Variants in PIK3C2G observed in about 807,000 individuals in gnomAD.
The protein encoded by PIK3C2G is phosphatidylinositol 3-kinase C2 domain-containing subunit gamma.
A neutral mutation model predicts 181.1 loss-of-function variants in PIK3C2G; 168 were observed. The observed-to-expected ratio is 0.93, with a 90% CI of 0.82 to 1.05. PIK3C2G has a LOEUF of 1.05. Ranked by LOEUF, PIK3C2G falls within the 50% of genes least tolerant of loss-of-function variation. PIK3C2G has a pLI of 0.00. For missense variants in PIK3C2G, 1,869 were observed against 1,732.8 expected, an observed-to-expected ratio of 1.08 and a Z score of -1.40; for synonymous variants, 573 against 592.2, an observed-to-expected ratio of 0.97 and a Z score of 0.47.
At chr12:18,535,832 A>G (rs1035824473) in intron 24 of PIK3C2G, among the ~76,000 whole-genome samples, 25 of 152,118 alleles carry the variant, frequency 1.6e-4, no homozygotes, top group Non-Finnish European at 1.0e-4. Flanking sequence ...AGCAATATAT[A>G]AAAAATGCTA....
chr12:18,404,165 T>C (rs539099739), intron 16 of PIK3C2G, among the ~76,000 whole-genome samples: 7 of 152,292 alleles, frequency 4.6e-5, no homozygotes, highest in Admixed American at 3.3e-4. Context: ...CTCCAAACCA[T>C]TGTATTCTTT....
At position 18,615,830 on chromosome 12, in the gene PIK3C2G, A is replaced by G. The variant is rs150778749; in HGVS notation, c.4182+6201A>G. Among the ~76,000 whole-genome samples, 866 of 152,150 alleles carry G rather than the reference A, an allele frequency of 5.7e-3. 2 individuals are homozygous for G. Among genetic ancestry groups the G allele is most frequent in the Middle Eastern group, 0.01 (3 of 294 alleles). On this transcript the variant is annotated intron_variant, in intron 31 of 32. Transcript: ENST00000538779. ...TCTCTCCTGCACAAAACATTCTAAG[A>G]CTGCATTTTACTATATCAATAAAAA... is the stretch of plus-strand genomic sequence containing the variant.
intron 1 of PIK3C2G, among the ~76,000 whole-genome samples, chr12:18,279,738 G>T (rs1417002446): frequency 6.6e-6 from 1 of 151,818 alleles, no homozygotes; most frequent in Non-Finnish European, 1.5e-5. Flanking sequence ...TCCTGAAAAG[G>T]GCATTTCAGG....
At chr12:18,311,561 A>G (rs563155736) in intron 5 of PIK3C2G, among the ~76,000 whole-genome samples, 1 of 152,106 alleles carries the variant, frequency 6.6e-6, no homozygotes, top group South Asian at 2.1e-4. Context: ...GCATGAAAAT[A>G]CACAAAGAAA....
intron 18 of PIK3C2G, among the ~76,000 whole-genome samples, chr12:18,464,645 C>A (rs1018214745): frequency 6.6e-6 from 1 of 152,002 alleles, no homozygotes; most frequent in African/African-American, 2.4e-5. Flanking sequence ...AATGTTTACA[C>A]CCTTACAAAA....
At chr12:18,375,154 G>C (rs536585182) in intron 13 of PIK3C2G, among the ~76,000 whole-genome samples, 2 of 152,296 alleles carry the variant, frequency 1.3e-5, no homozygotes, top group African/African-American at 4.8e-5. Context: ...CTCAGAAGAA[G>C]ACATGAAAAT....
intron 11 of PIK3C2G, among the ~76,000 whole-genome samples, chr12:18,350,221 ATTGT>A (rs1413018384): frequency 6.6e-6 from 1 of 152,136 alleles, no homozygotes; most frequent in Non-Finnish European, 1.5e-5. Flanking sequence ...TCTTAAAATG[ATTGT>A]TAGTAATAAT....
intron 29 of PIK3C2G, among the ~76,000 whole-genome samples, chr12:18,593,876 C>CA (rs1947214202): frequency 6.6e-6 from 1 of 150,654 alleles, no homozygotes; most frequent in South Asian, 2.1e-4. Flanking sequence ...AGAGAGAATA[C>CA]CTTATGCATC....
intron 29 of PIK3C2G, among the ~76,000 whole-genome samples, chr12:18,573,033 A>G (rs1376648671): frequency 2.0e-5 from 3 of 152,160 alleles, no homozygotes; most frequent in African/African-American, 7.2e-5. Context: ...AAACGCCACT[A>G]TTGAGAATCA....
At chr12:18,582,540 G>A (rs1317569545) in intron 29 of PIK3C2G, among the ~76,000 whole-genome samples, 1 of 152,148 alleles carries the variant, frequency 6.6e-6, no homozygotes, top group African/African-American at 2.4e-5. Context: ...CTCTGCCAAA[G>A]CGAAAGGTTA....
intron 18 of PIK3C2G, among the ~76,000 whole-genome samples, chr12:18,466,196 G>A (rs969981260): frequency 2.7e-5 from 4 of 150,352 alleles, no homozygotes; most frequent in South Asian, 2.1e-4. Context: ...ATAGTGTCTT[G>A]CTCTTATTCA....
chr12:18,335,096 G>A (rs1005756674), intron 8 of PIK3C2G, among the ~76,000 whole-genome samples: 2 of 152,096 alleles, frequency 1.3e-5, no homozygotes, highest in African/African-American at 4.8e-5. Flanking sequence ...GGGCTGAGTA[G>A]AGAGAGGCTT....
the PIK3C2G span, chr12:18,719,399 A>G: frequency 1.6e-6 from 2 of 1,271,126 alleles, no homozygotes; most frequent in Non-Finnish European, 2.1e-6. Context: ...AAGTATTTTT[A>G]AATGTAATAG....
chr12:18,441,683 C>CT, intron 18 of PIK3C2G, among the ~76,000 whole-genome samples: 1 of 152,186 alleles, frequency 6.6e-6, no homozygotes, highest in South Asian at 2.1e-4. Context: ...GTCTGGGCCT[C>CT]TTTGTTTTCT....
At chr12:18,643,718 T>G (rs751348082) in intron 32 of PIK3C2G, among the ~76,000 whole-genome samples, 6 of 151,982 alleles carry the variant, frequency 3.9e-5, no homozygotes, top group Admixed American at 2.0e-4. Flanking sequence ...AAGAGCACCT[T>G]ACTAGATGTC....
At chr12:18,701,805 A>G in the PIK3C2G span, 6 of 1,574,216 alleles carry the variant, frequency 3.8e-6, no homozygotes, top group South Asian at 6.9e-5. Context: ...AGATACAATT[A>G]CACATTTACA....
chr12:18,421,270 A>G (rs201404307), intron 17 of PIK3C2G, among the ~76,000 whole-genome samples: 1 of 152,178 alleles, frequency 6.6e-6, no homozygotes, highest in East Asian at 1.9e-4. Flanking sequence ...TATTAATTAG[A>G]ATATGAAAAA....
chr12:18,421,025 G>A lies in PIK3C2G; in HGVS notation c.2400G>A (p.Gln800=). 6.4e-7 allele frequency: 1 copy of A among 1,564,258 alleles called. No homozygotes were observed. The highest frequency in any genetic ancestry group is 8.8e-7 in the Non-Finnish European group (1 of 1,135,116). ...ATGAACTACTGGAATATCTCCCACA[G>A]CTAGTTCAGGTAAGAATAGAAGAGT... ...LNDELLEYLP[Q]LVQAVKFEWN... The change falls in exon 17 of 33, where the codon CAG becomes CAA. Residue 800 remains glutamine (Q), a synonymous_variant. Coordinates refer to ENST00000538779, the MANE Select transcript of PIK3C2G (RefSeq NM_001288772.2).
At chr12:18,540,070 G>A (rs1458137950) in intron 25 of PIK3C2G, among the ~76,000 whole-genome samples, 1 of 151,734 alleles carries the variant, frequency 6.6e-6, no homozygotes, top group East Asian at 1.9e-4. Context: ...TAAATATCCA[G>A]GTAGTATCAA....
Sources: allele counts gnomAD v4.1 joint callset (sites outside exome capture counted in the v4.1 genomes callset), GRCh38; gene constraint gnomAD v4.1.1; transcripts MANE v1.5; gene names NCBI Gene and HGNC (gene_info 2026-07-23, HGNC 2026-07-21).